EIF3L: variants seen among roughly 807,000 people sequenced by gnomAD.
The protein encoded by EIF3L is eIEF associated protein HSPC021.
A neutral mutation model predicts 74.6 loss-of-function variants in EIF3L; 32 were observed. The observed-to-expected ratio is 0.43, with a 90% CI of 0.32 to 0.58. The LOEUF is 0.58. Among genes scored for constraint, EIF3L ranks in the 20% least tolerant of loss-of-function variants. The pLI is 0.06. For missense variants in EIF3L, 474 were observed against 707.8 expected (o/e 0.67, Z 3.75); for synonymous variants, 256 against 254.4 (o/e 1.01, Z -0.06).
At chr22:37,867,351 T>C (rs531030491) in intron 7 of EIF3L, among the ~76,000 whole-genome samples, 13 of 152,194 alleles carry the variant, frequency 8.5e-5, no homozygotes, top group Admixed American at 2.0e-4. Context: ...GTCTAATTTT[T>C]GTCAGTTCAA....
intron 7 of EIF3L, among the ~76,000 whole-genome samples, chr22:37,869,655 C>T (rs1026590629): frequency 6.6e-6 from 1 of 152,124 alleles, no homozygotes; most frequent in Admixed American, 6.6e-5. Context: ...GTTCGTTGTG[C>T]TTGGCCAGAC....
intron 4 of EIF3L, among the ~76,000 whole-genome samples, chr22:37,857,718 G>C (rs1469944927): frequency 6.6e-6 from 1 of 151,794 alleles, no homozygotes; most frequent in East Asian, 2.0e-4. Flanking sequence ...ATTTTTAGTA[G>C]AGATGGTGTT....
At chr22:37,868,816 A>AT (rs1926321717) in intron 7 of EIF3L, among the ~76,000 whole-genome samples, 1 of 151,250 alleles carries the variant, frequency 6.6e-6, no homozygotes, top group Admixed American at 6.6e-5. Flanking sequence ...CTAGTTTTGC[A>AT]TTTTTTGTAC....
intron 11 of EIF3L, 89 bp downstream of exon 11, chr22:37,878,260 C>T: frequency 6.8e-7 from 1 of 1,474,848 alleles, no homozygotes; most frequent in Admixed American, 2.3e-5. Flanking sequence ...TATCGGGGAA[C>T]AAAAAGATTC....
rs756464988 is a variant in EIF3L, at chr22:37,862,926, A to C, written c.436-43A>C. 4 of 1,481,738 alleles carry C rather than the reference A, an allele frequency of 2.7e-6. No individual in the cohort carries two copies. In the South Asian group the frequency reaches 4.7e-5, roughly 17 times the overall value. 91.8% of individuals were successfully genotyped at this position (1,481,738 alleles called of 1,614,324 possible). On this transcript the variant is annotated intron_variant, in intron 5 of 12. Transcript: ENST00000652021. Reference sequence around the variant, plus strand: ...AGTATACCATGGGTAAAACACATTAAAATTAAATATCTGTATCTTGATATC... The same window carrying C: ...AGTATACCATGGGTAAAACACATTACAATTAAATATCTGTATCTTGATATC...
rs537031313 is a variant in EIF3L, at chr22:37,855,662, A to G, written c.373+18A>G. On this transcript the variant is annotated intron_variant, in intron 4 of 12. Coordinates refer to ENST00000652021, the MANE Select transcript of EIF3L (RefSeq NM_016091.4). ...TGGCAATGGTAGGTGTGAGCTCTTT[A>G]TATCTTGTGCACTGAGTGGAATCCA... is the stretch of plus-strand genomic sequence containing the variant. 5 of 1,610,292 alleles carry G rather than the reference A, an allele frequency of 3.1e-6. No homozygotes were observed. The highest frequency in any genetic ancestry group is 1.7e-5 in the Admixed American group (1 of 59,970).
intron 1 of EIF3L, 77 bp downstream of exon 1, chr22:37,849,559 A>G: frequency 6.7e-7 from 1 of 1,491,544 alleles, no homozygotes; most frequent in Non-Finnish European, 9.0e-7. Context: ...TCCCGGCGCG[A>G]GGCAGCTTCC....
chr22:37,874,674 C>A, intron 9 of EIF3L, 150 bp downstream of exon 9: 1 of 954,694 alleles, frequency 1.0e-6, no homozygotes, highest in Non-Finnish European at 1.5e-6. Context: ...GGGCAAACAG[C>A]TGTGGTAAAA....
In EIF3L at chr22:37,888,582, A is replaced by G. The variant is rs975611489; in HGVS notation, c.*118A>G. 2 of 1,068,298 alleles carry G rather than the reference A, an allele frequency of 1.9e-6. No homozygotes were observed. Among genetic ancestry groups the G allele is most frequent in the Non-Finnish European group, 2.8e-6 (2 of 704,466 alleles). 66.2% of individuals were successfully genotyped at this position (1,068,298 alleles called of 1,614,324 possible). A position where few individuals can be genotyped will look rare whatever the true frequency, so the allele number is the denominator to read the frequency against. ...GCCTGTCAACTCAGTTAACAAGTTA[A>G]GGACCGAAGTGTTTCAAGTGGATCT... On this transcript the variant is annotated 3_prime_UTR_variant, in exon 13 of 13. Transcript: ENST00000652021.
intron 7 of EIF3L, among the ~76,000 whole-genome samples, chr22:37,866,272 C>G (rs1173572917): frequency 6.6e-6 from 1 of 152,152 alleles, no homozygotes; most frequent in Non-Finnish European, 1.5e-5. Context: ...ACCTGACTTG[C>G]TCTTTTGCTG....
At chr22:37,861,642 C>T (rs1047289659) in intron 5 of EIF3L, among the ~76,000 whole-genome samples, 6 of 152,006 alleles carry the variant, frequency 3.9e-5, no homozygotes, top group African/African-American at 7.3e-5. Flanking sequence ...TGAGATTGCA[C>T]CGCTGCACTC....
chr22:37,852,852 G>GGAA (rs1925299870), intron 3 of EIF3L, among the ~76,000 whole-genome samples: 1 of 142,202 alleles, frequency 7.0e-6, no homozygotes, highest in African/African-American at 3.0e-5. Context: ...GGGTTAGTTA[G>GGAA]TGAGGAGAGA....
chr22:37,878,319 A>G, intron 11 of EIF3L, 148 bp downstream of exon 11: 1 of 975,716 alleles, frequency 1.0e-6, no homozygotes, highest in South Asian at 1.7e-5. Context: ...GGCTCATGCC[A>G]GTAATACTAG....
intron 5 of EIF3L, among the ~76,000 whole-genome samples, chr22:37,860,372 TGAGACG>T (rs1425409051): frequency 6.6e-6 from 1 of 152,262 alleles, no homozygotes; most frequent in Non-Finnish European, 1.5e-5. Flanking sequence ...GTTTTGTTTT[TGAGACG>T]GAGTCTCGCT....
intron 4 of EIF3L, among the ~76,000 whole-genome samples, chr22:37,858,158 A>G (rs1925636485): frequency 6.6e-6 from 1 of 151,364 alleles, no homozygotes; most frequent in African/African-American, 2.4e-5. Flanking sequence ...CCTTGGCAAC[A>G]GAGCGAGACC....
chr22:37,863,749 T>C (rs930345822), intron 7 of EIF3L, among the ~76,000 whole-genome samples: 3 of 152,068 alleles, frequency 2.0e-5, no homozygotes, highest in Non-Finnish European at 2.9e-5. Context: ...AATGGAAATG[T>C]TCTATTATCT....
chr22:37,876,295 ATTTTTTTTTTTTTTTT>A (rs146250173), intron 10 of EIF3L: 1 of 107,978 alleles, frequency 9.3e-6, no homozygotes, highest in South Asian at 2.9e-4. Context: ...ACACCGGCTA[ATTTTTTTTTTTTTTTT>A]TTTTTTTTTT....
At chr22:37,857,229 G>A (rs1371966821) in intron 4 of EIF3L, among the ~76,000 whole-genome samples, 11 of 151,746 alleles carry the variant, frequency 7.2e-5, no homozygotes, top group Admixed American at 2.0e-4. Context: ...GGGCAGGCCG[G>A]CATGGTGGCG....
intron 10 of EIF3L, 188 bp from the exon 11 acceptor site, chr22:37,877,486 G>T: frequency 1.5e-6 from 1 of 648,222 alleles, no homozygotes; most frequent in Non-Finnish European, 2.6e-6. Flanking sequence ...AGGAGGATCT[G>T]GAGCTAGGAT....
Sources: allele counts gnomAD v4.1 joint callset (sites outside exome capture counted in the v4.1 genomes callset), GRCh38; gene constraint gnomAD v4.1.1; transcripts MANE v1.5; gene names NCBI Gene and HGNC (gene_info 2026-07-23, HGNC 2026-07-21).